Variants in ABLIM2 observed in about 807,000 individuals in gnomAD.
ABLIM2 encodes actin binding LIM protein family member 2.
Under a neutral mutation model 97.7 loss-of-function variants are expected in ABLIM2, and 53 were observed. The ratio of observed to expected loss-of-function variants is 0.54; its 90% CI spans 0.44 to 0.68. ABLIM2 has a LOEUF of 0.68. ABLIM2 is among the 30% of genes least tolerant of loss of function. ABLIM2 has a pLI of 0.00. For synonymous variants in ABLIM2, 361 were observed against 345.8 expected (o/e 1.04, Z -0.49); for missense variants, 835 against 867.2 (o/e 0.96, Z 0.47).
At chr4:8,117,418 C>G (rs150675422) in intron 1 of ABLIM2, among the ~76,000 whole-genome samples, 8 of 151,774 alleles carry the variant, frequency 5.3e-5, no homozygotes, top group Non-Finnish European at 1.2e-4. Flanking sequence ...TCTCCTGCTT[C>G]AGGCTCCACT....
chr4:8,082,564 A>G lies in ABLIM2; in HGVS notation c.455-1762T>C, dbSNP rs1172912233. 1.3e-5 allele frequency among the ~76,000 whole-genome samples: 2 copies of G among 152,162 alleles called. No individual in the cohort carries two copies. The highest frequency in any genetic ancestry group is 2.9e-5 in the Non-Finnish European group (2 of 68,018). ...TTTTTAACAATTAAAACAAACGAAC[A>G]CTCACAAAGCCGTTGGTCAAGCTCA... On this transcript the variant is annotated intron_variant, in intron 4 of 20. Transcript: ENST00000447017. This position sits in a 1 kb window ranked among gnomAD's most constrained non-coding sequence, Gnocchi z 5.6.
chr4:8,035,870 C>T (rs562225004), intron 10 of ABLIM2, among the ~76,000 whole-genome samples: 2 of 152,320 alleles, frequency 1.3e-5, no homozygotes, highest in African/African-American at 4.8e-5. Context: ...ATCATCTTTC[C>T]TACAAACCAG....
In ABLIM2 at chr4:8,095,356, G is replaced by C. The variant is rs377157015; in HGVS notation, c.338+1743C>G. On this transcript the variant is annotated intron_variant, in intron 3 of 20. Coordinates refer to ENST00000447017, the MANE Select transcript of ABLIM2 (RefSeq NM_001130083.2). The surrounding 1 kb of genome is among the most constrained non-coding windows in gnomAD (Gnocchi z 4.7). ...CAGCCTCAAGTGATCCTCGCACCTC[G>C]GCCTCCCAAAGTGGAGGGATTATAG... Among the ~76,000 whole-genome samples the C allele has an allele frequency of 6.6e-6, 1 of 152,046 alleles. No homozygotes were observed. The highest frequency in any genetic ancestry group is 1.5e-5 in the Non-Finnish European group (1 of 67,992).
At chr4:8,031,409 T>C (rs1291129804) in intron 10 of ABLIM2, among the ~76,000 whole-genome samples, 1 of 152,082 alleles carries the variant, frequency 6.6e-6, no homozygotes, top group African/African-American at 2.4e-5. Context: ...AATGAGGAGA[T>C]GAAAAGATGC....
At chr4:8,156,711 G>C (rs1169984420) in intron 1 of ABLIM2, among the ~76,000 whole-genome samples, 1 of 152,242 alleles carries the variant, frequency 6.6e-6, no homozygotes, top group Non-Finnish European at 1.5e-5. Context: ...AATAATGCCA[G>C]CGGGTGTGGG....
In ABLIM2 at chr4:7,986,273, T is replaced by C. The variant is rs533984235; in HGVS notation, c.1681-1380A>G. ...TTGCAGTAGGAAATCAGTGAGGAGC[T>C]GGTTACAGCCTAGAGAGCACGAGAG... On this transcript the variant is annotated intron_variant, in intron 17 of 20. Coordinates refer to ENST00000447017, the MANE Select transcript of ABLIM2 (RefSeq NM_001130083.2). This position sits in a 1 kb window ranked among gnomAD's most constrained non-coding sequence, Gnocchi z 4.3. Among the ~76,000 whole-genome samples, 73 of 152,228 alleles carry C rather than the reference T, an allele frequency of 4.8e-4. No individual in the cohort carries two copies. Among genetic ancestry groups the C allele is most frequent in the African/African-American group, 1.7e-3 (70 of 41,546 alleles).
In ABLIM2 at chr4:8,148,770, C is replaced by T. The variant is rs931152445; in HGVS notation, c.10+9910G>A. On this transcript the variant is annotated intron_variant, in intron 1 of 20. Coordinates refer to ENST00000447017, the MANE Select transcript of ABLIM2 (RefSeq NM_001130083.2). The surrounding 1 kb of genome is among the most constrained non-coding windows in gnomAD (Gnocchi z 6.7). ...TCCTCTAGGACAAGCCCAACCCCAA[C>T]AGAGATGAGGAGGCCAAGGCTCAGG... Among the ~76,000 whole-genome samples, 2 of 152,222 alleles carry T rather than the reference C, an allele frequency of 1.3e-5. No individual in the cohort carries two copies. Among genetic ancestry groups the T allele is most frequent in the Admixed American group, 1.3e-4 (2 of 15,290 alleles).
intron 16 of ABLIM2, among the ~76,000 whole-genome samples, chr4:7,993,157 G>T (rs1462710853): frequency 1.3e-5 from 2 of 152,216 alleles, no homozygotes; most frequent in African/African-American, 2.4e-5. Context: ...CACCGGAAAT[G>T]CCACAGAACC....
chr4:8,118,730 C>T (rs546728315), intron 1 of ABLIM2, among the ~76,000 whole-genome samples: 13 of 152,198 alleles, frequency 8.5e-5, no homozygotes, highest in Non-Finnish European at 1.9e-4. Context: ...GGGCTCCCAC[C>T]ATTCCTGCTC....
Position 8,046,709 on chromosome 4 carries a change from G to A in ABLIM2, c.823-1468C>T, listed in dbSNP as rs909009781. Among the ~76,000 whole-genome samples, 1 of 152,196 alleles carries A rather than the reference G, an allele frequency of 6.6e-6. No homozygotes were observed. The highest frequency in any genetic ancestry group is 2.1e-4 in the South Asian group (1 of 4,834). ...GATGGGCTGATCTGTGTCCACATTC[G>A]TAGGTTGAATCCTAACCCCCAGGAC... On this transcript the variant is annotated intron_variant, in intron 8 of 20. Coordinates refer to ENST00000447017, the MANE Select transcript of ABLIM2 (RefSeq NM_001130083.2). The surrounding 1 kb of genome is among the most constrained non-coding windows in gnomAD (Gnocchi z 4.4).
intron 14 of ABLIM2, among the ~76,000 whole-genome samples, chr4:8,014,500 A>G (rs886527434): frequency 6.6e-5 from 10 of 152,232 alleles, no homozygotes; most frequent in Admixed American, 6.5e-4. Flanking sequence ...GTGTGTGTGT[A>G]TGTGAGTGAG....
intron 3 of ABLIM2, among the ~76,000 whole-genome samples, chr4:8,090,658 T>C (rs1481566510): frequency 6.6e-6 from 1 of 152,196 alleles, no homozygotes; most frequent in African/African-American, 2.4e-5. Context: ...ATTGTCACCA[T>C]GGCCCCAGAC....
At chr4:8,145,182 A>T (rs951388010) in intron 1 of ABLIM2, among the ~76,000 whole-genome samples, 1 of 146,224 alleles carries the variant, frequency 6.8e-6, no homozygotes, top group Non-Finnish European at 1.5e-5. Flanking sequence ...AATGGCAGGT[A>T]TTGATTTTTT....
intron 17 of ABLIM2, among the ~76,000 whole-genome samples, chr4:7,991,884 G>C (rs994625196): frequency 4.9e-4 from 75 of 152,334 alleles, no homozygotes; most frequent in African/African-American, 1.7e-3. Context: ...GTGTCCTGTG[G>C]CCTTGCCCCT....
chr4:8,011,706 T>A (rs186783592), intron 14 of ABLIM2, among the ~76,000 whole-genome samples: 29 of 152,376 alleles, frequency 1.9e-4, no homozygotes, highest in African/African-American at 6.7e-4. Context: ...GAGTTTAATA[T>A]GTCTTTTGTA....
intron 5 of ABLIM2, among the ~76,000 whole-genome samples, chr4:8,078,426 C>T (rs1449516038): frequency 6.6e-6 from 1 of 152,274 alleles, no homozygotes; most frequent in Admixed American, 6.5e-5. Context: ...TGGGCCTGCC[C>T]CTCCAGCAGA....
chr4:7,984,821 G>A lies in ABLIM2; in HGVS notation c.1735+18C>T, dbSNP rs1742269524. ...CCCTGCCCCAGCCAGAGACCCACAG[G>A]GTCCCCGCTCTGTGTACCTCGCATG... On this transcript the variant is annotated intron_variant, in intron 18 of 20. Coordinates refer to ENST00000447017, the MANE Select transcript of ABLIM2 (RefSeq NM_001130083.2). 6.3e-7 allele frequency: 1 copy of A among 1,582,536 alleles called. No individual in the cohort carries two copies. The highest frequency in any genetic ancestry group is 8.6e-7 in the Non-Finnish European group (1 of 1,164,612).
chr4:8,014,680 G>A (rs1767591606), intron 14 of ABLIM2, among the ~76,000 whole-genome samples: 1 of 152,200 alleles, frequency 6.6e-6, no homozygotes, highest in Admixed American at 6.5e-5. Context: ...ATAGTGGGGT[G>A]GGTGCTTGAA....
chr4:7,997,713 G>T (rs1403229430), intron 16 of ABLIM2, among the ~76,000 whole-genome samples: 4 of 152,060 alleles, frequency 2.6e-5, no homozygotes, highest in Non-Finnish European at 5.9e-5. Flanking sequence ...GAGATGTGGG[G>T]TTGCTGCGTA....
Sources: gnomAD v4.1 joint callset for allele counts (sites outside exome capture counted in the v4.1 genomes callset) on GRCh38, gnomAD v4.1.1 for gene constraint, Gnocchi (gnomAD v3.1) non-coding constraint, MANE v1.5 for transcripts, NCBI Gene and HGNC (gene_info 2026-07-23, HGNC 2026-07-21) for gene names.